PIGX: variants seen among roughly 807,000 people sequenced by gnomAD.
PIGX encodes GPI alpha-1,4-mannosyltransferase I, stabilizing subunit.
In PIGX, 24 loss-of-function variants were observed where a neutral mutation model predicts 28.7. That is an observed-to-expected ratio of 0.84 (90% CI 0.60 to 1.17). PIGX has a LOEUF of 1.17. Ranked by LOEUF, PIGX falls within the 50% of genes most tolerant of loss-of-function variation. PIGX has a pLI of 0.00. For synonymous variants in PIGX, 127 were observed against 121.0 expected, an observed-to-expected ratio of 1.05 and a Z score of -0.33; for missense variants, 305 against 317.8, an observed-to-expected ratio of 0.96 and a Z score of 0.31.
intron 1 of PIGX, among the ~76,000 whole-genome samples, chr3:196,715,257 T>C (rs1204719690): frequency 6.6e-6 from 1 of 152,126 alleles, no homozygotes; most frequent in Non-Finnish European, 1.5e-5. Context: ...CTAGACAAAT[T>C]CTCGAAGAGC....
rs115925806 is a variant in PIGX, at chr3:196,714,693, C to T, written c.112+2049C>T. ...GCCAGGTTGGTCTTAAACTGTTGAC[C>T]TTGTGATCTGCCTGCCTCCCCCTCC... On this transcript the variant is annotated intron_variant, in intron 1 of 5. Transcript: ENST00000392391. Among the ~76,000 whole-genome samples, 1,172 of 152,270 alleles carry T rather than the reference C, an allele frequency of 7.7e-3. 20 individuals are homozygous for T. Among genetic ancestry groups the T allele is most frequent in the African/African-American group, 0.027 (1,103 of 41,554 alleles).
chr3:196,721,192 G>T, intron 2 of PIGX: 1 of 383,722 alleles, frequency 2.6e-6, no homozygotes, highest in Non-Finnish European at 5.0e-6. Flanking sequence ...CCAAATATAT[G>T]TATACTAGAC....
chr3:196,732,256 A>ATATATTTTT, intron 5 of PIGX, among the ~76,000 whole-genome samples: 1 of 23,248 alleles, frequency 4.3e-5, no homozygotes, highest in African/African-American at 1.6e-4. Flanking sequence ...ATATATATAT[A>ATATATTTTT]TTTTATTTTA....
In PIGX at chr3:196,730,205, A is replaced by G. The variant is rs534125206; in HGVS notation, c.533-787A>G. Among the ~76,000 whole-genome samples, 6 of 152,228 alleles carry G rather than the reference A, an allele frequency of 3.9e-5. No homozygotes were observed. The South Asian group carries it at 1.2e-3, about 32-fold the overall frequency. On this transcript the variant is annotated intron_variant, in intron 4 of 5. Coordinates refer to ENST00000392391, the MANE Select transcript of PIGX (RefSeq NM_017861.4). ...CAATTATATTACCTTTGTTCATCCA[A>G]CCTTGTTTTCTGTTTCTATTAAAGG...
chr3:196,721,742 C>T (rs972471753), intron 2 of PIGX, among the ~76,000 whole-genome samples: 10 of 151,838 alleles, frequency 6.6e-5, no homozygotes, highest in South Asian at 2.1e-4. Flanking sequence ...CCACCATCCC[C>T]GGCCTATTTT....
intron 5 of PIGX, among the ~76,000 whole-genome samples, chr3:196,732,133 C>T (rs73072745): frequency 0.42 from 60,019 of 144,284 alleles, 12,572 homozygotes; most frequent in East Asian, 0.57. Context: ...ACTTCAGTTG[C>T]CTTTAAAATT....
At chr3:196,721,906 C>A (rs780085678) in intron 2 of PIGX, among the ~76,000 whole-genome samples, 4 of 152,122 alleles carry the variant, frequency 2.6e-5, no homozygotes, top group Non-Finnish European at 5.9e-5. Context: ...CATGTGCCAC[C>A]ATGCCCGGCT....
rs1339372119 is a variant in PIGX at position 196,733,975 on chromosome 3, GAATT to G, written c.*79_*82del. On this transcript the variant is annotated 3_prime_UTR_variant, in exon 6 of 6. Transcript: ENST00000392391. The surrounding 1 kb of genome is among the most constrained non-coding windows in gnomAD (Gnocchi z 4.3). ...ATTTCTGACGAGAGGTGTTCTTCTA[GAATT>G]AATTACTTTTATCTTTTGTCTTCAT... The G allele has an allele frequency of 3.1e-6, 3 of 952,892 alleles. No homozygotes were observed. The East Asian group carries it at 7.3e-5, about 23-fold the overall frequency. 59.0% of individuals were successfully genotyped at this position (952,892 alleles called of 1,614,324 possible).
intron 1 of PIGX, among the ~76,000 whole-genome samples, chr3:196,713,779 G>A (rs1252171576): frequency 6.6e-6 from 1 of 150,894 alleles, no homozygotes; most frequent in African/African-American, 2.4e-5. Flanking sequence ...GGAGGTTGCA[G>A]TGAGCCGAGA....
intron 5 of PIGX, among the ~76,000 whole-genome samples, chr3:196,731,509 T>G (rs1362634809): frequency 6.6e-6 from 1 of 152,188 alleles, no homozygotes; most frequent in South Asian, 2.1e-4. Context: ...AGAAAGCTGT[T>G]TTTTCTTACA....
intron 4 of PIGX, chr3:196,728,721 C>A: frequency 1.3e-6 from 1 of 766,358 alleles, no homozygotes; most frequent in South Asian, 1.3e-5. Flanking sequence ...GAAGAATGAT[C>A]AGATTCCGGT....
chr3:196,726,809 A>C (rs1712541057), intron 3 of PIGX: 5 of 372,054 alleles, frequency 1.3e-5, no homozygotes, highest in Non-Finnish European at 2.7e-5. Context: ...AAAAGAAATA[A>C]CCTTATAACA....
chr3:196,722,324 T>TA (rs1712356194), intron 2 of PIGX, 91 bp from the exon 3 acceptor site: 1 of 895,304 alleles, frequency 1.1e-6, no homozygotes. Context: ...AATTTTGAAA[T>TA]ACAGTGTTTT....
At chr3:196,730,532 G>A (rs540386159) in intron 4 of PIGX, among the ~76,000 whole-genome samples, 9 of 151,980 alleles carry the variant, frequency 5.9e-5, no homozygotes, top group African/African-American at 1.7e-4. Flanking sequence ...GGTGGATCAC[G>A]AGGTCAGGAG....
chr3:196,713,927 A>G (rs753916309), intron 1 of PIGX, among the ~76,000 whole-genome samples: 1 of 152,066 alleles, frequency 6.6e-6, no homozygotes, highest in Non-Finnish European at 1.5e-5. Context: ...TGTTGAAGGT[A>G]AATTCACATT....
chr3:196,725,730 A>G (rs938375098), intron 3 of PIGX, among the ~76,000 whole-genome samples: 1 of 152,230 alleles, frequency 6.6e-6, no homozygotes, highest in African/African-American at 2.4e-5. Context: ...GTACTCACAC[A>G]GGGACAGGAG....
intron 4 of PIGX, chr3:196,728,484 T>A (rs1368611181): frequency 1.7e-6 from 1 of 602,046 alleles, no homozygotes; most frequent in Non-Finnish European, 2.9e-6. Flanking sequence ...AGATGGGCAT[T>A]CCAAGACACT....
At position 196,734,505 on chromosome 3, in the gene PIGX, G is replaced by A. The variant is rs1712933245; in HGVS notation, c.*603G>A. 1 of 152,222 alleles carries A rather than the reference G, an allele frequency of 6.6e-6. No homozygotes were observed. The highest frequency in any genetic ancestry group is 6.6e-5 in the Admixed American group (1 of 15,266). 9.4% of individuals were successfully genotyped at this position (152,222 alleles called of 1,614,324 possible). On this transcript the variant is annotated 3_prime_UTR_variant, in exon 6 of 6. Transcript: ENST00000392391. ...TTGAACCTGGGAGGCGGAGGTTCCA[G>A]AGAGCCAAGATCGCACCACTGCACT...
intron 5 of PIGX, among the ~76,000 whole-genome samples, chr3:196,731,497 A>G (rs1163591647): frequency 6.6e-6 from 1 of 152,172 alleles, no homozygotes; most frequent in African/African-American, 2.4e-5. Context: ...ATTTTCTAAT[A>G]TAGAAAGCTG....
Sources: allele counts gnomAD v4.1 joint callset (sites outside exome capture counted in the v4.1 genomes callset), GRCh38; gene constraint gnomAD v4.1.1; non-coding constraint Gnocchi (gnomAD v3.1); transcripts MANE v1.5; gene names NCBI Gene and HGNC (gene_info 2026-07-23, HGNC 2026-07-21).